Variants in GPATCH2 observed in about 807,000 individuals in gnomAD.
GPATCH2 encodes G-patch domain containing 2.
Under a neutral mutation model 58.0 loss-of-function variants are expected in GPATCH2, and 51 were observed. The observed-to-expected ratio is 0.88, with a 90% CI of 0.70 to 1.11. The LOEUF (loss-of-function observed/expected upper bound fraction) is 1.11. Among genes scored for constraint, GPATCH2 ranks in the 50% most tolerant of loss-of-function variants. GPATCH2 has a pLI of 0.00. For missense variants in GPATCH2, 625 were observed against 652.2 expected (o/e 0.96, Z 0.45); for synonymous variants, 222 against 218.5 (o/e 1.02, Z -0.14).
At chr1:217,624,429 A>C (rs1669349457) in intron 1 of GPATCH2, among the ~76,000 whole-genome samples, 1 of 152,204 alleles carries the variant, frequency 6.6e-6, no homozygotes, top group African/African-American at 2.4e-5. Context: ...GAGGCAGGAG[A>C]ATCACTTGAA....
chr1:217,514,879 G>T lies in GPATCH2; in HGVS notation c.1109C>A (p.Pro370His). The change falls in exon 6 of 10, where the codon CCT (proline) becomes CAT (histidine). Residue 370 changes from proline to histidine, a missense_variant. Physicochemically the swap from Pro to His is moderately conservative, Grantham distance 77. Coordinates refer to ENST00000366935, the MANE Select transcript of GPATCH2 (RefSeq NM_018040.5). ...GGTPTSMVPI[P>H]GPVGNKRMVH... Reference sequence around the variant, plus strand: ...CATTCTCTTGTTACCCACTGGGCCAGGAATGGGTACCTACAGGGAGATTTA... The same window carrying T: ...CATTCTCTTGTTACCCACTGGGCCATGAATGGGTACCTACAGGGAGATTTA... The T allele has an allele frequency of 6.7e-7, 1 of 1,501,318 alleles. No individual in the cohort carries two copies. Among genetic ancestry groups the T allele is most frequent in the Non-Finnish European group, 9.3e-7 (1 of 1,077,318 alleles). The allele number at this position is 1,501,318 out of a possible 1,614,324, so 93.0% of individuals were successfully genotyped here.
intron 1 of GPATCH2, among the ~76,000 whole-genome samples, chr1:217,621,045 G>C (rs750047508): frequency 6.6e-6 from 1 of 152,138 alleles, no homozygotes; most frequent in Non-Finnish European, 1.5e-5. Flanking sequence ...ATTTATTTAG[G>C]CCACACTAAT....
intron 5 of GPATCH2, among the ~76,000 whole-genome samples, chr1:217,587,407 C>T (rs908191850): frequency 5.3e-5 from 8 of 151,966 alleles, no homozygotes; most frequent in Admixed American, 2.0e-4. Context: ...ACTTAAAATC[C>T]GAGATTAAAT....
At chr1:217,458,057 C>T (rs749782215) in intron 8 of GPATCH2, among the ~76,000 whole-genome samples, 1 of 152,168 alleles carries the variant, frequency 6.6e-6, no homozygotes, top group Non-Finnish European at 1.5e-5. Context: ...GAAACCCCGT[C>T]TCTACTAAAA....
intron 9 of GPATCH2, among the ~76,000 whole-genome samples, chr1:217,444,284 C>A (rs6668361): frequency 0.02 from 2,994 of 152,220 alleles, 97 homozygotes; most frequent in African/African-American, 0.068. Flanking sequence ...ACGCTGGGAT[C>A]CCAGGCTTGA....
intron 5 of GPATCH2, among the ~76,000 whole-genome samples, chr1:217,576,929 C>T (rs932906440): frequency 2.0e-5 from 3 of 152,136 alleles, no homozygotes; most frequent in Admixed American, 2.0e-4. Context: ...CATATTTTGG[C>T]TTTTTAGCAT....
At chr1:217,556,029 T>G (rs1665601805) in intron 5 of GPATCH2, among the ~76,000 whole-genome samples, 1 of 152,140 alleles carries the variant, frequency 6.6e-6, no homozygotes, top group Admixed American at 6.5e-5. Context: ...TGAAAAGAGG[T>G]TTGAGATATG....
At chr1:217,609,480 C>T in intron 5 of GPATCH2, 9 of 983,998 alleles carry the variant, frequency 9.1e-6, no homozygotes, top group Non-Finnish European at 1.1e-5. Flanking sequence ...ATCACTGTGG[C>T]TAATTTAAAA....
intron 8 of GPATCH2, among the ~76,000 whole-genome samples, chr1:217,451,473 C>T (rs1192012774): frequency 2.0e-5 from 3 of 152,174 alleles, no homozygotes; most frequent in African/African-American, 7.2e-5. Context: ...TCCTTTACTC[C>T]ATATACACTT....
chr1:217,575,286 T>A (rs1012226627), intron 5 of GPATCH2, among the ~76,000 whole-genome samples: 1 of 152,178 alleles, frequency 6.6e-6, no homozygotes, highest in African/African-American at 2.4e-5. Context: ...AGCTGGAAAC[T>A]GTTAGTTATC....
At chr1:217,555,327 G>A (rs577291722) in intron 5 of GPATCH2, among the ~76,000 whole-genome samples, 1 of 152,206 alleles carries the variant, frequency 6.6e-6, no homozygotes, top group South Asian at 2.1e-4. Flanking sequence ...GGTTATAGAG[G>A]AATCAAAATT....
At chr1:217,587,488 G>A (rs1329154942) in intron 5 of GPATCH2, among the ~76,000 whole-genome samples, 1 of 152,148 alleles carries the variant, frequency 6.6e-6, no homozygotes, top group Non-Finnish European at 1.5e-5. Context: ...ACAGGGCCTT[G>A]AAACCAGCAG....
chr1:217,620,801 C>T (rs1669147989), intron 1 of GPATCH2, among the ~76,000 whole-genome samples: 1 of 152,114 alleles, frequency 6.6e-6, no homozygotes, highest in South Asian at 2.1e-4. Context: ...TGTTTAAATC[C>T]CTATCCGCTG....
chr1:217,526,623 C>A (rs940609192), intron 5 of GPATCH2, among the ~76,000 whole-genome samples: 1 of 152,100 alleles, frequency 6.6e-6, no homozygotes, highest in African/African-American at 2.4e-5. Context: ...ATTTTTTGGC[C>A]AATATCTATT....
chr1:217,463,184 A>T (rs1011329079), intron 8 of GPATCH2, among the ~76,000 whole-genome samples: 1 of 152,236 alleles, frequency 6.6e-6, no homozygotes, highest in Non-Finnish European at 1.5e-5. Flanking sequence ...GAATAGATTT[A>T]TTAGTAGCTA....
intron 8 of GPATCH2, among the ~76,000 whole-genome samples, chr1:217,469,348 T>G (rs1660617308): frequency 6.6e-6 from 1 of 152,160 alleles, no homozygotes; most frequent in Non-Finnish European, 1.5e-5. Context: ...TAATTTAGTG[T>G]AATATAATTG....
intron 5 of GPATCH2, among the ~76,000 whole-genome samples, chr1:217,517,115 G>A (rs964895538): frequency 1.3e-5 from 2 of 152,056 alleles, no homozygotes; most frequent in Non-Finnish European, 2.9e-5. Flanking sequence ...TAAAAAACCT[G>A]TAAGCTCAGT....
intron 1 of GPATCH2, among the ~76,000 whole-genome samples, chr1:217,623,267 A>G (rs1669289936): frequency 2.0e-5 from 3 of 152,278 alleles, no homozygotes; most frequent in East Asian, 1.9e-4. Context: ...CGATGTATGA[A>G]TATAATATCA....
intron 7 of GPATCH2, among the ~76,000 whole-genome samples, chr1:217,497,302 CT>C (rs1412280173): frequency 6.6e-6 from 1 of 152,046 alleles, no homozygotes; most frequent in Non-Finnish European, 1.5e-5. Flanking sequence ...ATAGATGTAG[CT>C]TAGCTTAGTT....
Sources: gnomAD v4.1 joint callset for allele counts (sites outside exome capture counted in the v4.1 genomes callset) on GRCh38, gnomAD v4.1.1 for gene constraint, MANE v1.5 for transcripts, NCBI Gene and HGNC (gene_info 2026-07-23, HGNC 2026-07-21) for gene names.